The following ITGAM variants were observed in gnomAD, a reference collection of about 807,000 sequenced individuals.
The protein encoded by ITGAM is integrin alpha-M.
A neutral mutation model predicts 137.5 loss-of-function variants in ITGAM; 79 were observed. That is an observed-to-expected ratio of 0.57 (90% CI 0.48 to 0.69). ITGAM has a LOEUF of 0.69. Ranked by LOEUF, ITGAM falls within the 30% of genes least tolerant of loss-of-function variation. The pLI, the probability that ITGAM is intolerant of heterozygous loss-of-function variation, is 0.00. For synonymous variants in ITGAM, 583 were observed against 592.3 expected (o/e 0.98, Z 0.23); for missense variants, 1,343 against 1,483.5 (o/e 0.91, Z 1.56).
At chr16:31,274,576 G>C (rs1052279629) in intron 8 of ITGAM, among the ~76,000 whole-genome samples, 6 of 151,744 alleles carry the variant, frequency 4.0e-5, no homozygotes, top group African/African-American at 1.5e-4. Flanking sequence ...TTATCTGGTT[G>C]GATGTAGTCT....
chr16:31,289,580 G>A (rs1382675141), intron 12 of ITGAM, among the ~76,000 whole-genome samples: 1 of 152,074 alleles, frequency 6.6e-6, no homozygotes, highest in Middle Eastern at 3.2e-3. Flanking sequence ...CACAGGAAGG[G>A]GAACATCACA....
At position 31,270,130 on chromosome 16, in the gene ITGAM, C is replaced by CTTTCCTTTCCTTTCCTTTCCTT. The variant is rs770982735; in HGVS notation, c.428-823_428-822insTTCCTTTCCTTTCCTTTCCTTT. ...CCTTCCTTCCTTCCTTCCTTCCTTCCTCCTTTGCTTTCCTTTCCTTTCCTT... is the reference window on the plus strand; with the variant it reads ...CCTTCCTTCCTTCCTTCCTTCCTTCCTTTCCTTTCCTTTCCTTTCCTTTCCTTTGCTTTCCTTTCCTTTCCTT... On this transcript the variant is annotated intron_variant, in intron 5 of 29. Transcript: ENST00000544665. 5.9e-3 allele frequency among the ~76,000 whole-genome samples: 532 copies of CTTTCCTTTCCTTTCCTTTCCTT among 89,942 alleles called. 12 individuals are homozygous for CTTTCCTTTCCTTTCCTTTCCTT. The highest frequency in any genetic ancestry group is 0.012 in the African/African-American group (266 of 23,108). The allele number at this position is 89,942 out of a possible 152,430, so 59.0% of individuals were successfully genotyped here. A position where few individuals can be genotyped will look rare whatever the true frequency, so the allele number is the denominator to read the frequency against.
intron 5 of ITGAM, among the ~76,000 whole-genome samples, chr16:31,270,337 A>G (rs1258442511): frequency 6.6e-6 from 1 of 151,496 alleles, no homozygotes; most frequent in East Asian, 2.0e-4. Context: ...CCTGATCTCA[A>G]GTGATCCACC....
In ITGAM at chr16:31,326,141, A is replaced by G. The variant is rs2080506107; in HGVS notation, c.2628+519A>G. Among the ~76,000 whole-genome samples the G allele has an allele frequency of 2.0e-5, 3 of 152,210 alleles. No homozygotes were observed. In the South Asian group the frequency reaches 6.2e-4, roughly 32 times the overall value. The stretch of plus-strand genomic sequence containing the variant: ...TTTGAGTGAATTCATAGGGTCTTGC[A>G]TCCGTCATCATGATCCATTTTGGAA... On this transcript the variant is annotated intron_variant, in intron 21 of 29. Coordinates refer to ENST00000544665, the MANE Select transcript of ITGAM (RefSeq NM_000632.4).
chr16:31,324,831 C>A lies in ITGAM; in HGVS notation c.2289+49C>A. 2 of 1,554,828 alleles carry A rather than the reference C, an allele frequency of 1.3e-6. No homozygotes were observed. The highest frequency in any genetic ancestry group is 1.7e-6 in the Non-Finnish European group (2 of 1,152,608). ...CAGGGGTGTGGAAGAGACCAGAGAC[C>A]AAGGTGGTTGAAACTCATTTTATTT... On this transcript the variant is annotated intron_variant, in intron 18 of 29. Transcript: ENST00000544665. The surrounding 1 kb of genome is among the most constrained non-coding windows in gnomAD (Gnocchi z 4.5).
chr16:31,265,783 G>T (rs960199958), intron 3 of ITGAM, 28 bp from the exon 4 acceptor site: 1 of 1,606,896 alleles, frequency 6.2e-7, no homozygotes, highest in Non-Finnish European at 8.5e-7. Context: ...CCCCACCAGG[G>T]TGACCATGCC....
chr16:31,328,199 G>A lies in ITGAM; in HGVS notation c.2761G>A (p.Val921Met), dbSNP rs989993403. ...AACCGAATTCCAACTGGAGCTGCCG[G>A]TGAAATATGCTGTCTACATGGTGGT... ...NKTEFQLELP[V>M]KYAVYMVVTS... Residue 921 changes from valine to methionine, a missense_variant, in exon 23 of 30, where the codon GTG (valine) becomes ATG (methionine). Physicochemically the swap from Val to Met is conservative, Grantham distance 21. Coordinates refer to ENST00000544665, the MANE Select transcript of ITGAM (RefSeq NM_000632.4). 1.9e-6 allele frequency: 3 copies of A among 1,613,838 alleles called. No homozygotes were observed. Among genetic ancestry groups the A allele is most frequent in the African/African-American group, 1.3e-5 (1 of 74,898 alleles).
In ITGAM at chr16:31,330,424, G is replaced by A. The variant is rs1195894087; in HGVS notation, c.3174+3G>A. On this transcript the variant is annotated splice_donor_region_variant and intron_variant, in intron 27 of 29. Transcript: ENST00000544665. ...TCTCGTTTGACTGGTACATCAAGGT[G>A]TGTGGGGTCCTGAGGCTTCGCCGGG... 10 of 1,612,608 alleles carry A rather than the reference G, an allele frequency of 6.2e-6. No homozygotes were observed. The highest frequency in any genetic ancestry group is 1.1e-5 in the South Asian group (1 of 91,046).
rs532911035 is a variant in ITGAM at position 31,260,097 on chromosome 16, A to C, written c.28+5A>C. On this transcript the variant is annotated splice_donor_5th_base_variant and intron_variant, in intron 1 of 29. Coordinates refer to ENST00000544665, the MANE Select transcript of ITGAM (RefSeq NM_000632.4). Reference sequence around the variant, plus strand: ...TCAGAGTCCTTCTGTTAACAGGTGCATGGGGGTGGGGTGGGGGACTCTGGG... The same window carrying C: ...TCAGAGTCCTTCTGTTAACAGGTGCCTGGGGGTGGGGTGGGGGACTCTGGG... 30 of 521,898 alleles carry C rather than the reference A, an allele frequency of 5.7e-5. No homozygotes were observed. In the Middle Eastern group the frequency reaches 4.1e-3, roughly 72 times the overall value. The allele number at this position is 521,898 out of a possible 1,614,324, so 32.3% of individuals were successfully genotyped here. A position where few individuals can be genotyped will look rare whatever the true frequency, so the allele number is the denominator to read the frequency against.
rs1399091475 is a variant in ITGAM at position 31,275,678 on chromosome 16, G to A, written c.988G>A (p.Glu330Lys). Residue 330 changes from glutamate (E) to lysine (K), a missense_variant, in exon 9 of 30, where the codon GAG becomes AAG. Glu to Lys is a moderately conservative substitution (Grantham distance 56, BLOSUM62 1). Transcript: ENST00000544665. ...ALKTIQNQLR[E>K]KIFAIEGTQT... is the part of the protein sequence containing the mutation. ...GAAGACCATTCAGAACCAGCTTCGG[G>A]AGAAGATCTTTGCGATCGAGGGTGA... The A allele has an allele frequency of 1.2e-6, 2 of 1,613,930 alleles. No homozygotes were observed. The highest frequency in any genetic ancestry group is 1.7e-6 in the Non-Finnish European group (2 of 1,179,868).
chr16:31,302,938 TTCTTTCTTTC>T (rs2080226416), intron 14 of ITGAM, among the ~76,000 whole-genome samples: 1 of 80,744 alleles, frequency 1.2e-5, no homozygotes, highest in Non-Finnish European at 2.7e-5. Flanking sequence ...CTTTCTTTCT[TTCTTTCTTTC>T]TTTCTTTCTT....
In ITGAM at chr16:31,271,976, G is replaced by A. The variant is rs1478413790; in HGVS notation, c.688G>A (p.Gly230Ser). 2 of 1,613,898 alleles carry A rather than the reference G, an allele frequency of 1.2e-6. No homozygotes were observed. Among genetic ancestry groups the A allele is most frequent in the Non-Finnish European group, 1.7e-6 (2 of 1,179,910 alleles). Residue 230 changes from glycine to serine, a missense_variant, in exon 7 of 30, where the codon GGC becomes AGC. Physicochemically the swap from Gly to Ser is moderately conservative, Grantham distance 56. Coordinates refer to ENST00000544665, the MANE Select transcript of ITGAM (RefSeq NM_000632.4). ...GCTTGGGCGGACACACACGGCCACG[G>A]GCATCCGCAAAGTGGTGTAAGCTTC... Reference protein sequence around the residue: ...QLLGRTHTATGIRKVVRELFN... With the variant: ...QLLGRTHTATSIRKVVRELFN...
intron 14 of ITGAM, among the ~76,000 whole-genome samples, chr16:31,308,034 G>A (rs1229555448): frequency 6.6e-6 from 1 of 152,052 alleles, no homozygotes; most frequent in Non-Finnish European, 1.5e-5. Context: ...TTGATGTGTT[G>A]CTGGATTCGG....
At chr16:31,312,347 A>G (rs1381125097) in intron 14 of ITGAM, among the ~76,000 whole-genome samples, 1 of 152,178 alleles carries the variant, frequency 6.6e-6, no homozygotes, top group Non-Finnish European at 1.5e-5. Flanking sequence ...AACAAAGAAC[A>G]TGCAAGAATG....
chr16:31,299,508 C>T (rs2080173155), intron 14 of ITGAM, among the ~76,000 whole-genome samples: 1 of 151,932 alleles, frequency 6.6e-6, no homozygotes, highest in African/African-American at 2.4e-5. Context: ...TGGGTTTTGC[C>T]ATGTTGTCCA....
At chr16:31,326,257 A>G (rs1165426989) in intron 21 of ITGAM, among the ~76,000 whole-genome samples, 1 of 151,830 alleles carries the variant, frequency 6.6e-6, no homozygotes, top group East Asian at 1.9e-4. Flanking sequence ...CCACTAATCT[A>G]CTTTGTCTAT....
At position 31,321,609 on chromosome 16, in the gene ITGAM, C is replaced by G. The variant is rs200956800; in HGVS notation, c.1984C>G (p.Arg662Gly). 2 of 1,612,374 alleles carry G rather than the reference C, an allele frequency of 1.2e-6. No individual in the cohort carries two copies. Among genetic ancestry groups the G allele is most frequent in the East Asian group, 2.2e-5 (1 of 44,742 alleles). Residue 662 changes from arginine to glycine, a missense_variant, in exon 16 of 30, where the codon CGG becomes GGG. Physicochemically the swap from Arg to Gly is moderately radical, Grantham distance 125. Transcript: ENST00000544665. Reference protein sequence around the residue: ...RVCLHVQKSTRDRLREGQIQS... With the variant: ...RVCLHVQKSTGDRLREGQIQS... ...CTGCCTCCATGTCCAGAAGAGCACA[C>G]GGGATCGGCTAAGAGAAGGTGAGGC...
chr16:31,313,241 T>G (rs922214413), intron 14 of ITGAM, among the ~76,000 whole-genome samples: 1 of 152,118 alleles, frequency 6.6e-6, no homozygotes. Context: ...TACGTTAAGT[T>G]CTGTGATACA....
Position 31,302,374 on chromosome 16 carries a change from CTTTCTTTTCTTTTCTTT to C in ITGAM, c.1707+4445_1707+4461del, listed in dbSNP as rs1244714489. Among the ~76,000 whole-genome samples, 284 of 150,492 alleles carry C rather than the reference CTTTCTTTTCTTTTCTTT, an allele frequency of 1.9e-3. 1 individual carries two copies. Among genetic ancestry groups the C allele is most frequent in the African/African-American group, 6.3e-3 (258 of 40,756 alleles). Reference sequence around the variant, plus strand: ...GCCAAAGGAAGAACAATCTTTTTTTCTTTCTTTTCTTTTCTTTTTTCTTTTCTTTTCTTTTTTCTTTC... The same window carrying C: ...GCCAAAGGAAGAACAATCTTTTTTTCTTTCTTTTCTTTTCTTTTTTCTTTC... On this transcript the variant is annotated intron_variant, in intron 14 of 29. Transcript: ENST00000544665.
Sources: gnomAD v4.1 joint callset for allele counts (sites outside exome capture counted in the v4.1 genomes callset) on GRCh38, gnomAD v4.1.1 for gene constraint, Gnocchi (gnomAD v3.1) non-coding constraint, MANE v1.5 for transcripts, NCBI Gene and HGNC (gene_info 2026-07-23, HGNC 2026-07-21) for gene names.